Variants in PGLYRP3 observed in about 807,000 individuals in gnomAD.
The protein encoded by PGLYRP3 is peptidoglycan recognition protein I alpha.
In PGLYRP3, 39 loss-of-function variants were observed where a neutral mutation model predicts 36.0. That is an observed-to-expected ratio of 1.08 (90% CI 0.84 to 1.41). The LOEUF is 1.41. Ranked by LOEUF, PGLYRP3 falls within the 40% of genes most tolerant of loss-of-function variation. PGLYRP3 has a pLI of 0.00. For missense variants in PGLYRP3, 407 were observed against 427.9 expected (o/e 0.95, Z 0.43); for synonymous variants, 204 against 172.8 (o/e 1.18, Z -1.42).
Position 153,298,107 on chromosome 1 carries a change from T to G in PGLYRP3, c.875A>C (p.Glu292Ala), listed in dbSNP as rs779837106. Residue 292 changes from glutamate to alanine, a missense_variant, in exon 8 of 8, where the codon GAG (glutamate) becomes GCG (alanine). Transcript: ENST00000683862. ...VEKPPNAAAL[E>A]AAQDLIQCAV... ...ACACTGGATCAGGTCCTGGGCCGCC[T>G]CCAGCGCTGCAGCATTTGGAGGCTT... The G allele has an allele frequency of 1.2e-6, 2 of 1,613,818 alleles. No homozygotes were observed. The highest frequency in any genetic ancestry group is 3.3e-5 in the Admixed American group (2 of 59,984).
Position 153,303,969 on chromosome 1 carries a change from A to G in PGLYRP3, c.417T>C (p.Gly139=), listed in dbSNP as rs764561024. The G allele has an allele frequency of 1.2e-6, 2 of 1,613,938 alleles. No homozygotes were observed. Among genetic ancestry groups the G allele is most frequent in the Non-Finnish European group, 1.7e-6 (2 of 1,179,898 alleles). Residue 139 remains glycine, a synonymous_variant, in exon 5 of 8, where the codon GGT becomes GGC. Transcript: ENST00000683862. ...PSPAALSAAE[G]LISYAIQKGH... ...CCTTCTGGATGGCATAGGAGATCAGACCCTCTGCAGCTGATAAGGCAGCAG... is the reference window on the plus strand; with the variant it reads ...CCTTCTGGATGGCATAGGAGATCAGGCCCTCTGCAGCTGATAAGGCAGCAG...
At chr1:153,310,474 G>A in intron 2 of PGLYRP3, 137 bp downstream of exon 2, 2 of 859,080 alleles carry the variant, frequency 2.3e-6, no homozygotes, top group Non-Finnish European at 3.9e-6. Context: ...GTAAACTCTA[G>A]AACAGGGCTC....
At chr1:153,298,555 A>G (rs754888336) in intron 7 of PGLYRP3, among the ~76,000 whole-genome samples, 8 of 152,168 alleles carry the variant, frequency 5.3e-5, no homozygotes, top group Non-Finnish European at 1.0e-4. Context: ...AGGCAGGAGA[A>G]TGGCGTGAAC....
chr1:153,310,611 C>T lies in PGLYRP3; in HGVS notation c.55G>A (p.Asp19Asn). 6.2e-7 allele frequency: 1 copy of T among 1,614,036 alleles called. No homozygotes were observed. Among genetic ancestry groups the T allele is most frequent in the Non-Finnish European group, 8.5e-7 (1 of 1,179,930 alleles). Residue 19 changes from aspartate to asparagine, a missense_variant and splice_region_variant, in exon 2 of 8, where the codon GAT becomes AAT. By Grantham distance (23) the Asp-to-Asn change is conservative. Coordinates refer to ENST00000683862, the MANE Select transcript of PGLYRP3 (RefSeq NM_052891.3). ...TCTGATGCAAGTAAATAAAACTTAC[C>T]CCAAGCCTGGAGACCCAGAATGAAG... ...AFFILGLQAW[D>N]TPTIVSRKEW...
At position 153,297,570 on chromosome 1, in the gene PGLYRP3, AAAGAAAGAAAG is replaced by A. The variant is rs1262830619; in HGVS notation, c.*375_*385del. 4.1e-5 allele frequency among the ~76,000 whole-genome samples: 4 copies of A among 97,920 alleles called. No homozygotes were observed. Among genetic ancestry groups the A allele is most frequent in the African/African-American group, 1.2e-4 (3 of 24,404 alleles). The allele number at this position is 97,920 out of a possible 152,430, so 64.2% of individuals were successfully genotyped here. The stretch of plus-strand genomic sequence containing the variant: ...AGGAAGGAAAGAAAGAAAAAGAAAG[AAAGAAAGAAAG>A]AAGAAAGAAAGAAAGAAAGAAAGAG... On this transcript the variant is annotated 3_prime_UTR_variant, in exon 8 of 8. Transcript: ENST00000683862.
intron 5 of PGLYRP3, 74 bp downstream of exon 5, chr1:153,303,782 AG>A: frequency 6.7e-7 from 1 of 1,490,832 alleles, no homozygotes. Context: ...AACAGGAAAA[AG>A]CACTCCCAAA....
chr1:153,298,003 G>A lies in PGLYRP3; in HGVS notation c.979C>T (p.Gln327Ter), dbSNP rs542269185. The A allele has an allele frequency of 9.3e-6, 15 of 1,613,974 alleles. No homozygotes were observed. Among genetic ancestry groups the A allele is most frequent in the Non-Finnish European group, 1.1e-5 (13 of 1,180,008 alleles). ...SDVVNILSPG[Q>*]ALYNIISTWP... ...GTGCTGATGATGTTATACAAAGCCT[G>A]CCCAGGGGACAGGATGTTGACCACG... Residue 327 changes from glutamine (Q) to a stop codon, truncating the protein, a stop_gained, in exon 8 of 8, where the codon CAG becomes TAG. Coordinates refer to ENST00000683862, the MANE Select transcript of PGLYRP3 (RefSeq NM_052891.3). LOFTEE classifies it high-confidence loss of function.
Position 153,298,132 on chromosome 1 carries a change from T to G in PGLYRP3, c.850A>C (p.Lys284Gln). 3.7e-6 allele frequency: 6 copies of G among 1,613,688 alleles called. No individual in the cohort carries two copies. Among genetic ancestry groups the G allele is most frequent in the Non-Finnish European group, 5.1e-6 (6 of 1,179,856 alleles). ...GIAFIGYFVE[K>Q]PPNAAALEAA... ...TCCAGCGCTGCAGCATTTGGAGGCT[T>G]TTCTGCAAAACACATTTTCCCCATC... Residue 284 changes from lysine (K) to glutamine (Q), a missense_variant and splice_region_variant, in exon 8 of 8, where the codon AAG (lysine) becomes CAG (glutamine). Physicochemically the swap from Lys to Gln is moderately conservative, Grantham distance 53. Transcript: ENST00000683862.
Position 153,297,846 on chromosome 1 carries a change from G to T in PGLYRP3, c.*110C>A. The T allele has an allele frequency of 7.9e-7, 1 of 1,260,952 alleles. No individual in the cohort carries two copies. The highest frequency in any genetic ancestry group is 1.1e-6 in the Non-Finnish European group (1 of 895,420). 78.1% of individuals were successfully genotyped at this position (1,260,952 alleles called of 1,614,324 possible). On this transcript the variant is annotated 3_prime_UTR_variant, in exon 8 of 8. Transcript: ENST00000683862. ...ACATGACCATTCAAACCTGAGAAAG[G>T]ATGGGCTGGCAGGGGAGGGGGACAC...
intron 6 of PGLYRP3, among the ~76,000 whole-genome samples, chr1:153,302,087 G>A (rs1659611667): frequency 6.6e-6 from 1 of 152,236 alleles, no homozygotes; most frequent in African/African-American, 2.4e-5. Context: ...GTCTCTGACA[G>A]GTTAGAAGGG....
At chr1:153,301,652 G>A (rs1410471361) in intron 6 of PGLYRP3, among the ~76,000 whole-genome samples, 1 of 152,206 alleles carries the variant, frequency 6.6e-6, no homozygotes, top group East Asian at 1.9e-4. Flanking sequence ...GAGTTAAAAG[G>A]AGAGATAGTA....
chr1:153,300,968 G>T (rs763256435), intron 6 of PGLYRP3, among the ~76,000 whole-genome samples: 1 of 152,150 alleles, frequency 6.6e-6, no homozygotes, highest in East Asian at 1.9e-4. Context: ...AGGCTGAAGG[G>T]CAGTGGCACA....
In PGLYRP3 at chr1:153,297,667, C is replaced by T. The variant is rs1438365333; in HGVS notation, c.*289G>A. On this transcript the variant is annotated 3_prime_UTR_variant, in exon 8 of 8. Transcript: ENST00000683862. Reference sequence around the variant, plus strand: ...GTTGGGGGGAGAGAGAGAGAAATGCCACAAGGACCAGCCCATTGTCTCGCC... The same window carrying T: ...GTTGGGGGGAGAGAGAGAGAAATGCTACAAGGACCAGCCCATTGTCTCGCC... Among the ~76,000 whole-genome samples the T allele has an allele frequency of 1.3e-5, 2 of 151,680 alleles. No homozygotes were observed. Among genetic ancestry groups the T allele is most frequent in the Non-Finnish European group, 2.9e-5 (2 of 67,898 alleles).
At position 153,310,671 on chromosome 1, in the gene PGLYRP3, C is replaced by T. The variant is rs1571110006; in HGVS notation, c.-6G>A. The T allele has an allele frequency of 2.5e-6, 4 of 1,613,934 alleles. No homozygotes were observed. Among genetic ancestry groups the T allele is most frequent in the Non-Finnish European group, 2.5e-6 (3 of 1,179,876 alleles). ...AGCCATGGCAGCGTCCCCATGTGGT[C>T]CCAGGACTCTGACCGGGAGAGTGTG... On this transcript the variant is annotated 5_prime_UTR_variant, in exon 2 of 8. Transcript: ENST00000683862.
rs1659622750 is a variant in PGLYRP3 at position 153,302,522 on chromosome 1, G to T, written c.615C>A (p.Ile205=). The T allele has an allele frequency of 1.2e-6, 2 of 1,614,214 alleles. No homozygotes were observed. Among genetic ancestry groups the T allele is most frequent in the Non-Finnish European group, 8.5e-7 (1 of 1,180,018 alleles). Residue 205 remains isoleucine (I), a synonymous_variant, in exon 6 of 8, where the codon ATC becomes ATA. Coordinates refer to ENST00000683862, the MANE Select transcript of PGLYRP3 (RefSeq NM_052891.3). Reference sequence around the variant, plus strand: ...AGCTTGTGCCAGCGGTGTGGATGATGATGACATATTTGGCTGGGAGGTTCA... The same window carrying T: ...AGCTTGTGCCAGCGGTGTGGATGATTATGACATATTTGGCTGGGAGGTTCA... ...PKMNLPAKYV[I]IIHTAGTSCT...
At chr1:153,310,890 G>A (rs142233005) in intron 1 of PGLYRP3, among the ~76,000 whole-genome samples, 184 bp from the exon 2 acceptor site, 1 of 152,178 alleles carries the variant, frequency 6.6e-6, no homozygotes, top group Non-Finnish European at 1.5e-5. Context: ...GGGCACTAAT[G>A]GCTATGTCTA....
In PGLYRP3 at chr1:153,302,608, CTG is replaced by C. The variant is rs1224418011; in HGVS notation, c.530-3_530-2del. ...GATCGTTTGATGATGTTGGGGCAAA[CTG>C]TGGTAAAATGAAAAGCCAAGGAAGT... On this transcript the variant is annotated splice_acceptor_variant and splice_polypyrimidine_tract_variant and intron_variant, in intron 5 of 7. Transcript: ENST00000683862. LOFTEE classifies it high-confidence loss of function. 8.1e-6 allele frequency: 13 copies of C among 1,613,968 alleles called. No homozygotes were observed. The highest frequency in any genetic ancestry group is 1.1e-5 in the Non-Finnish European group (13 of 1,180,010).
At position 153,310,712 on chromosome 1, in the gene PGLYRP3, A is replaced by G. The variant is rs373935468; in HGVS notation, c.-41-6T>C. The G allele has an allele frequency of 1.1e-5, 17 of 1,549,774 alleles. No individual in the cohort carries two copies. Among genetic ancestry groups the G allele is most frequent in the Non-Finnish European group, 1.3e-5 (15 of 1,122,864 alleles). ...GGAGAGTGTGGACGGCAGCCCTGGA[A>G]GAGAGGCTAACAGTTAACACAACCA... On this transcript the variant is annotated splice_region_variant and splice_polypyrimidine_tract_variant and intron_variant, in intron 1 of 7. Transcript: ENST00000683862.
In PGLYRP3 at chr1:153,297,689, C is replaced by G. The variant is rs193272388; in HGVS notation, c.*267G>C. ...TGCCACAAGGACCAGCCCATTGTCT[C>G]GCCTGACTGAGGAGGTAAGTGCCCA... On this transcript the variant is annotated 3_prime_UTR_variant, in exon 8 of 8. Coordinates refer to ENST00000683862, the MANE Select transcript of PGLYRP3 (RefSeq NM_052891.3). Among the ~76,000 whole-genome samples, 1 of 151,922 alleles carries G rather than the reference C, an allele frequency of 6.6e-6. No homozygotes were observed. Among genetic ancestry groups the G allele is most frequent in the Non-Finnish European group, 1.5e-5 (1 of 67,974 alleles).
Sources: allele counts gnomAD v4.1 joint callset (sites outside exome capture counted in the v4.1 genomes callset), GRCh38; gene constraint gnomAD v4.1.1; transcripts MANE v1.5; gene names NCBI Gene and HGNC (gene_info 2026-07-23, HGNC 2026-07-21).